Variants in KCNJ6 observed in about 807,000 individuals in gnomAD.
KCNJ6 encodes the protein potassium inwardly rectifying channel subfamily J member 6.
In KCNJ6, 9 loss-of-function variants were observed where a neutral mutation model predicts 34.2. That is an observed-to-expected ratio of 0.26 (90% confidence interval 0.16 to 0.46). The LOEUF (loss-of-function observed/expected upper bound fraction) is 0.46. Ranked by LOEUF, KCNJ6 falls within the 20% of genes least tolerant of loss-of-function variation. The pLI is 1.00. For missense variants in KCNJ6, 236 were observed against 531.3 expected, an observed-to-expected ratio of 0.44 and a Z score of 5.46; for synonymous variants, 196 against 207.1, an observed-to-expected ratio of 0.95 and a Z score of 0.46.
chr21:37,750,300 C>T (rs1396168792), intron 2 of KCNJ6, among the ~76,000 whole-genome samples: 1 of 152,124 alleles, frequency 6.6e-6, no homozygotes, highest in African/African-American at 2.4e-5. Flanking sequence ...ATTAGTTCAG[C>T]CATTGTGGAA....
intron 2 of KCNJ6, among the ~76,000 whole-genome samples, chr21:37,811,713 A>G (rs1258705444): frequency 8.5e-5 from 13 of 152,200 alleles, no homozygotes; most frequent in Non-Finnish European, 7.3e-5. Context: ...ATATGCCATA[A>G]AACTGACATA....
At chr21:37,910,219 C>A (rs1294789717) in intron 1 of KCNJ6, among the ~76,000 whole-genome samples, 2 of 152,060 alleles carry the variant, frequency 1.3e-5, no homozygotes, top group African/African-American at 4.8e-5. Flanking sequence ...CTGCCCCAAA[C>A]TTGGCAAAAA....
chr21:37,747,565 G>A (rs2054973601), intron 2 of KCNJ6, among the ~76,000 whole-genome samples: 1 of 152,210 alleles, frequency 6.6e-6, no homozygotes, highest in Admixed American at 6.5e-5. Context: ...CTTCAACTGG[G>A]GAGATTATCC....
At chr21:37,646,807 A>G (rs2054406972) in intron 3 of KCNJ6, among the ~76,000 whole-genome samples, 2 of 151,768 alleles carry the variant, frequency 1.3e-5, no homozygotes, top group Non-Finnish European at 2.9e-5. Context: ...AGTAGCTGGG[A>G]CTACAGGCGC....
At chr21:37,672,542 AT>A (rs2054546875) in intron 3 of KCNJ6, among the ~76,000 whole-genome samples, 1 of 151,756 alleles carries the variant, frequency 6.6e-6, no homozygotes, top group Non-Finnish European at 1.5e-5. Flanking sequence ...TTCTTTTTTC[AT>A]AAGTCAGTTT....
intron 2 of KCNJ6, among the ~76,000 whole-genome samples, chr21:37,776,436 G>C (rs1460606275): frequency 6.6e-6 from 1 of 151,962 alleles, no homozygotes; most frequent in African/African-American, 2.4e-5. Context: ...AGTTTTCAAA[G>C]GGAATGCTTC....
At chr21:37,800,719 T>C (rs1366926823) in intron 2 of KCNJ6, among the ~76,000 whole-genome samples, 4 of 152,200 alleles carry the variant, frequency 2.6e-5, no homozygotes, top group Non-Finnish European at 5.9e-5. Context: ...TTTGCCATCT[T>C]CCTGATCATT....
At chr21:37,851,316 A>G (rs943837669) in intron 1 of KCNJ6, among the ~76,000 whole-genome samples, 4 of 152,232 alleles carry the variant, frequency 2.6e-5, no homozygotes, top group Non-Finnish European at 4.4e-5. Flanking sequence ...TTCCCTACGC[A>G]TGCAAAAAAG....
In KCNJ6 at chr21:37,675,439, G is replaced by C. The variant is rs1489213990; in HGVS notation, c.946+38772C>G. Among the ~76,000 whole-genome samples the C allele has an allele frequency of 4.8e-4, 12 of 25,154 alleles. No individual in the cohort carries two copies. The highest frequency in any genetic ancestry group is 3.3e-3 in the Admixed American group (7 of 2,134). The allele number at this position is 25,154 out of a possible 152,430, so 16.5% of individuals were successfully genotyped here. A position where few individuals can be genotyped will look rare whatever the true frequency, so the allele number is the denominator to read the frequency against. On this transcript the variant is annotated intron_variant, in intron 3 of 3. Transcript: ENST00000609713. The surrounding 1 kb of genome is among the most constrained non-coding windows in gnomAD (Gnocchi z 4.2). Reference sequence around the variant, plus strand: ...CTGCGTCTTTCAGGGCTGCAGGTACGGTGCGGGTTTCTGGTGCGCTGACCG... The same window carrying C: ...CTGCGTCTTTCAGGGCTGCAGGTACCGTGCGGGTTTCTGGTGCGCTGACCG...
chr21:37,833,190 T>G (rs1472764445), intron 2 of KCNJ6, among the ~76,000 whole-genome samples: 1 of 152,080 alleles, frequency 6.6e-6, no homozygotes, highest in Non-Finnish European at 1.5e-5. Flanking sequence ...AATTTTTGTA[T>G]TTTTAGTGGA....
intron 1 of KCNJ6, among the ~76,000 whole-genome samples, chr21:37,896,530 C>T (rs1218520812): frequency 3.3e-5 from 5 of 152,162 alleles, no homozygotes; most frequent in Admixed American, 6.5e-5. Context: ...ACATTACGGG[C>T]ACGGAACATG....
At chr21:37,846,782 T>C (rs906613367) in intron 1 of KCNJ6, among the ~76,000 whole-genome samples, 1 of 152,134 alleles carries the variant, frequency 6.6e-6, no homozygotes, top group South Asian at 2.1e-4. Context: ...GAACTTAGTA[T>C]CCTCAACAGG....
chr21:37,905,861 T>C (rs1601525492), intron 1 of KCNJ6, among the ~76,000 whole-genome samples: 1 of 152,206 alleles, frequency 6.6e-6, no homozygotes, highest in South Asian at 2.1e-4. Flanking sequence ...ATTCTGGACA[T>C]AGCTATGAAG....
intron 1 of KCNJ6, among the ~76,000 whole-genome samples, chr21:37,869,423 G>A (rs984742211): frequency 1.3e-5 from 2 of 152,252 alleles, no homozygotes; most frequent in Non-Finnish European, 2.9e-5. Context: ...GTTAGTTTGT[G>A]TTTTAAATGT....
chr21:37,768,261 T>C (rs1039650154), intron 2 of KCNJ6, among the ~76,000 whole-genome samples: 5 of 152,114 alleles, frequency 3.3e-5, no homozygotes, highest in Non-Finnish European at 7.4e-5. Context: ...TCCTGTGTGA[T>C]ATGGTGGTCA....
intron 1 of KCNJ6, among the ~76,000 whole-genome samples, chr21:37,905,523 C>A (rs2055837416): frequency 6.6e-6 from 1 of 152,136 alleles, no homozygotes. Context: ...ATAGGAAAGC[C>A]CTCTTTCTCC....
rs1680342697 is a variant in KCNJ6 at position 37,787,990 on chromosome 21, G to A, written c.25+52668C>T. ...GATATCTTCTTTAAGGTCATGGACA[G>A]AAAGCTAATGGGATTATGATCTGGC... is the stretch of plus-strand genomic sequence containing the variant. On this transcript the variant is annotated intron_variant, in intron 2 of 3. Coordinates refer to ENST00000609713, the MANE Select transcript of KCNJ6 (RefSeq NM_002240.5). Among the ~76,000 whole-genome samples the A allele has an allele frequency of 2.0e-5, 3 of 152,304 alleles. No homozygotes were observed. The South Asian group carries it at 6.2e-4, about 32-fold the overall frequency.
intron 2 of KCNJ6, among the ~76,000 whole-genome samples, chr21:37,787,612 A>G (rs1292307577): frequency 2.6e-5 from 4 of 152,336 alleles, no homozygotes; most frequent in Admixed American, 1.3e-4. Flanking sequence ...CCCCAAGGAC[A>G]TGAATGTATT....
rs554646692 is a variant in KCNJ6 at position 37,617,667 on chromosome 21, C to A, written c.*7492G>T. On this transcript the variant is annotated 3_prime_UTR_variant, in exon 4 of 4. Transcript: ENST00000609713. ...GGCCCGATGACTGAGTCTGTGCCCA[C>A]GGCATCGTGATACCAAAACGTGAGA... The A allele has an allele frequency of 6.6e-6, 1 of 152,138 alleles. No individual in the cohort carries two copies. The highest frequency in any genetic ancestry group is 1.9e-4 in the East Asian group (1 of 5,180). 9.4% of individuals were successfully genotyped at this position (152,138 alleles called of 1,614,324 possible). A position where few individuals can be genotyped will look rare whatever the true frequency, so the allele number is the denominator to read the frequency against.
Sources: gnomAD v4.1 joint callset for allele counts (sites outside exome capture counted in the v4.1 genomes callset) on GRCh38, gnomAD v4.1.1 for gene constraint, Gnocchi (gnomAD v3.1) non-coding constraint, MANE v1.5 for transcripts, NCBI Gene and HGNC (gene_info 2026-07-23, HGNC 2026-07-21) for gene names.